EBF2: variants seen among roughly 807,000 people sequenced by gnomAD.
EBF2 encodes EBF transcription factor 2.
Under a neutral mutation model 72.8 loss-of-function variants are expected in EBF2, and 21 were observed. The ratio of observed to expected loss-of-function variants is 0.29; its 90% CI spans 0.20 to 0.42. The LOEUF (loss-of-function observed/expected upper bound fraction) is 0.42. EBF2 is among the 10% of genes least tolerant of loss of function. EBF2 has a pLI of 1.00. For synonymous variants in EBF2, 299 were observed against 274.2 expected, an observed-to-expected ratio of 1.09 and a Z score of -0.89; for missense variants, 637 against 731.2, an observed-to-expected ratio of 0.87 and a Z score of 1.49.
chr8:25,954,046 G>C lies in EBF2; in HGVS notation c.552-45491C>G, dbSNP rs115448853. 3.3e-3 allele frequency among the ~76,000 whole-genome samples: 502 copies of C among 152,164 alleles called. 2 individuals carry two copies. Among genetic ancestry groups the C allele is most frequent in the African/African-American group, 0.012 (478 of 41,494 alleles). ...TATTTAAACAAGCTCCTTAGTCTTG[G>C]TTACACAGTGCAGAGACTCGGGAAA... On this transcript the variant is annotated intron_variant, in intron 6 of 15. Coordinates refer to ENST00000520164, the MANE Select transcript of EBF2 (RefSeq NM_022659.4).
intron 10 of EBF2, among the ~76,000 whole-genome samples, chr8:25,874,684 T>A (rs1338095374): frequency 1.3e-5 from 2 of 151,702 alleles, no homozygotes; most frequent in African/African-American, 4.8e-5. Context: ...TTTTAAAAAA[T>A]TATTTATTTA....
intron 6 of EBF2, among the ~76,000 whole-genome samples, chr8:25,946,643 A>C (rs1007342904): frequency 6.6e-6 from 1 of 152,186 alleles, no homozygotes; most frequent in African/African-American, 2.4e-5. Flanking sequence ...CCACCTGTGC[A>C]TCACGGGAGA....
rs148509225 is a variant in EBF2, at chr8:26,009,386, A to G, written c.551+23699T>C. Among the ~76,000 whole-genome samples, 5 of 152,362 alleles carry G rather than the reference A, an allele frequency of 3.3e-5. No homozygotes were observed. The East Asian group carries it at 9.6e-4, about 29-fold the overall frequency. ...GTAACCGTAAAACTAGCATTACCAG[A>G]CACAAGTCAGATCACACATCATAAT... is the stretch of plus-strand genomic sequence containing the variant. On this transcript the variant is annotated intron_variant, in intron 6 of 15. Transcript: ENST00000520164.
chr8:25,945,514 GA>G (rs1409181000), intron 6 of EBF2, among the ~76,000 whole-genome samples: 2 of 151,888 alleles, frequency 1.3e-5, no homozygotes, highest in Non-Finnish European at 2.9e-5. Context: ...GCTCAATACT[GA>G]GGGTGTCTCT....
chr8:25,960,931 C>T (rs1804024814), intron 6 of EBF2, among the ~76,000 whole-genome samples: 1 of 152,162 alleles, frequency 6.6e-6, no homozygotes, highest in Non-Finnish European at 1.5e-5. Context: ...TAAATGCACA[C>T]ACGTAAATAT....
At chr8:26,030,464 T>A (rs1031026267) in intron 6 of EBF2, among the ~76,000 whole-genome samples, 1 of 151,914 alleles carries the variant, frequency 6.6e-6, no homozygotes, top group African/African-American at 2.4e-5. Flanking sequence ...TTAGGAGATA[T>A]ACCTAATGTT....
At chr8:25,869,256 T>G (rs546568359) in intron 10 of EBF2, among the ~76,000 whole-genome samples, 3 of 152,184 alleles carry the variant, frequency 2.0e-5, no homozygotes, top group Non-Finnish European at 4.4e-5. Context: ...GGATATAGAA[T>G]AGTTAAGTAC....
rs1388282207 is a variant in EBF2 at position 25,885,808 on chromosome 8, C to T, written c.1009+947G>A. On this transcript the variant is annotated intron_variant, in intron 10 of 15. Coordinates refer to ENST00000520164, the MANE Select transcript of EBF2 (RefSeq NM_022659.4). ...ACTTGGAACTATGAGTCCATTGAAA[C>T]TCTTTTTCTTTAAAAATTACCCAGT... 2.0e-5 allele frequency among the ~76,000 whole-genome samples: 3 copies of T among 152,304 alleles called. No homozygotes were observed. The East Asian group carries it at 5.8e-4, about 29-fold the overall frequency.
At chr8:25,912,616 A>T (rs1430355100) in intron 6 of EBF2, among the ~76,000 whole-genome samples, 3 of 152,162 alleles carry the variant, frequency 2.0e-5, no homozygotes, top group Admixed American at 6.5e-5. Context: ...ACATGGAACT[A>T]AATGCTTAAT....
chr8:25,863,925 T>C (rs1346445436), intron 10 of EBF2, among the ~76,000 whole-genome samples: 1 of 152,170 alleles, frequency 6.6e-6, no homozygotes, highest in Non-Finnish European at 1.5e-5. Context: ...CTTAACAATA[T>C]ATCATAAACT....
chr8:25,997,117 A>G (rs892507001), intron 6 of EBF2, among the ~76,000 whole-genome samples: 10 of 152,180 alleles, frequency 6.6e-5, no homozygotes, highest in Non-Finnish European at 1.3e-4. Context: ...GCTGGAGCAG[A>G]ACTTGCAGGT....
intron 6 of EBF2, among the ~76,000 whole-genome samples, chr8:25,990,211 A>ACG (rs1309875897): frequency 6.6e-6 from 1 of 152,046 alleles, no homozygotes. Context: ...ACACACACAC[A>ACG]CACACACACA....
chr8:25,914,443 G>T (rs1452500589), intron 6 of EBF2, among the ~76,000 whole-genome samples: 1 of 152,138 alleles, frequency 6.6e-6, no homozygotes, highest in Non-Finnish European at 1.5e-5. Flanking sequence ...TACATCTATT[G>T]GTTGTTGAGG....
rs183592564 is a variant in EBF2, at chr8:25,911,018, T to G, written c.552-2463A>C. 1.5e-3 allele frequency among the ~76,000 whole-genome samples: 229 copies of G among 152,278 alleles called. 1 individual carries two copies. Among genetic ancestry groups the G allele is most frequent in the Non-Finnish European group, 2.4e-3 (164 of 68,024 alleles). On this transcript the variant is annotated intron_variant, in intron 6 of 15. Coordinates refer to ENST00000520164, the MANE Select transcript of EBF2 (RefSeq NM_022659.4). ...TCTCCATTTTTTTTTCCTCTTACTTTAACTGGTGTCTTCTGGTTCTCCGCC... is the reference window on the plus strand; with the variant it reads ...TCTCCATTTTTTTTTCCTCTTACTTGAACTGGTGTCTTCTGGTTCTCCGCC...
Position 26,044,927 on chromosome 8 carries a change from A to G in EBF2, c.-68T>C. 1 of 1,534,302 alleles carries G rather than the reference A, an allele frequency of 6.5e-7. No individual in the cohort carries two copies. The highest frequency in any genetic ancestry group is 8.8e-7 in the Non-Finnish European group (1 of 1,130,552). The stretch of plus-strand genomic sequence containing the variant: ...TACAACACAGTCCTGACTGTTCCCA[A>G]CGTTGCCAGCAAATCGTCTCCTCCA... On this transcript the variant is annotated 5_prime_UTR_variant, in exon 1 of 16. Transcript: ENST00000520164. The surrounding 1 kb of genome is among the most constrained non-coding windows in gnomAD (Gnocchi z 4.1).
intron 6 of EBF2, among the ~76,000 whole-genome samples, chr8:25,961,520 G>A (rs745430079): frequency 6.6e-6 from 1 of 152,044 alleles, no homozygotes; most frequent in Non-Finnish European, 1.5e-5. Context: ...CCGCCACCAC[G>A]CCCTGCTAAT....
In EBF2 at chr8:25,858,315, T is replaced by G. The variant is rs1802137485; in HGVS notation, c.1528+4A>C. The G allele has an allele frequency of 2.5e-6, 4 of 1,614,098 alleles. No individual in the cohort carries two copies. The African/African-American group carries it at 5.3e-5, about 22-fold the overall frequency. On this transcript the variant is annotated splice_donor_region_variant and intron_variant, in intron 14 of 15. Coordinates refer to ENST00000520164, the MANE Select transcript of EBF2 (RefSeq NM_022659.4). Reference sequence around the variant, plus strand: ...GAGAGCCAAGTGATGGAGAGGTCACTTACTTCCATAAGGAGAGCCGGTGGG... The same window carrying G: ...GAGAGCCAAGTGATGGAGAGGTCACGTACTTCCATAAGGAGAGCCGGTGGG...
intron 6 of EBF2, among the ~76,000 whole-genome samples, chr8:25,913,167 G>A (rs1470459942): frequency 6.6e-6 from 1 of 152,144 alleles, no homozygotes; most frequent in African/African-American, 2.4e-5. Context: ...ATAAGGCCAG[G>A]TGCGGTGGCT....
chr8:25,989,801 G>T (rs1002537593), intron 6 of EBF2, among the ~76,000 whole-genome samples: 1 of 152,152 alleles, frequency 6.6e-6, no homozygotes, highest in African/African-American at 2.4e-5. Context: ...GCCATGGGTG[G>T]CCTTGCTCCT....
Sources: gnomAD v4.1 joint callset for allele counts (sites outside exome capture counted in the v4.1 genomes callset) on GRCh38, gnomAD v4.1.1 for gene constraint, Gnocchi (gnomAD v3.1) non-coding constraint, MANE v1.5 for transcripts, NCBI Gene and HGNC (gene_info 2026-07-23, HGNC 2026-07-21) for gene names.